Variants in ZNF117 observed in about 807,000 individuals in gnomAD.
The protein encoded by ZNF117 is zinc finger protein 117, also known as Krueppel-related zinc finger protein.
In ZNF117, 37 loss-of-function variants were observed where a neutral mutation model predicts 41.2. The observed-to-expected ratio is 0.90, with a 90% CI of 0.69 to 1.18. ZNF117 has a LOEUF of 1.18. Among genes scored for constraint, ZNF117 ranks in the 50% most tolerant of loss-of-function variants. The pLI is 0.00. For missense variants in ZNF117, 546 were observed against 557.5 expected (o/e 0.98, Z 0.21); for synonymous variants, 186 against 186.6 (o/e 1.00, Z 0.02).
exon 3 of ZNF117, chr7:64,978,253 T>C: frequency 6.3e-7 from 1 of 1,595,540 alleles, no homozygotes. Context: ...TTCTCTCCAG[T>C]ATGAATTCTC....
upstream of ZNF117, among the ~76,000 whole-genome samples, chr7:64,984,107 A>C (rs1460876532): frequency 6.6e-6 from 1 of 152,144 alleles, no homozygotes; most frequent in Admixed American, 6.5e-5. Flanking sequence ...GAGATCTATA[A>C]TGGAATATAT....
At position 64,980,554 on chromosome 7, in the gene ZNF117, G is replaced by C. The variant is rs1212776995; in HGVS notation, c.34+833C>G. 3.3e-5 allele frequency: 5 copies of C among 151,364 alleles called. No homozygotes were observed. In the East Asian group the frequency reaches 9.6e-4, roughly 29 times the overall value. 9.4% of individuals were successfully genotyped at this position (151,364 alleles called of 1,614,324 possible). ...GAACTGAAAAATTATAAGAAAAACT[G>C]ATGTAAAAATTAAAAAGGTTAACAA... is the stretch of plus-strand genomic sequence containing the variant. On this transcript the variant is annotated intron_variant, in intron 2 of 2. Transcript: ENST00000620222.
At chr7:64,978,716 G>A (rs1785955625) in exon 3 of ZNF117, 8 of 1,612,572 alleles carry the variant, frequency 5.0e-6, no homozygotes, top group Non-Finnish European at 6.8e-6. Flanking sequence ...ACTGGTTAAA[G>A]GCTTTACCAC....
chr7:64,973,499 C>T (rs1430702302), downstream of ZNF117: 1 of 151,852 alleles, frequency 6.6e-6, no homozygotes, highest in African/African-American at 2.4e-5. Context: ...AAAAATAATG[C>T]TAACTGATTT....
chr7:64,975,711 T>A (rs1174521172), exon 3 of ZNF117: 1 of 152,176 alleles, frequency 6.6e-6, no homozygotes, highest in African/African-American at 2.4e-5. Flanking sequence ...TATTTCTACC[T>A]CTTTTAAAGT....
At chr7:64,989,446 TATATATATATATATATATATATATA>T (rs2129121283) in intron 1 of ZNF117, among the ~76,000 whole-genome samples, 1 of 5,340 alleles carries the variant, frequency 1.9e-4, no homozygotes, top group African/African-American at 2.2e-3. Flanking sequence ...CTTAAAATTA[TATATATATATATATATATATATATA>T]TATATATATA....
chr7:64,990,305 A>AAAAAG (rs1786234201), exon 1 of ZNF117: 1 of 153,042 alleles, frequency 6.5e-6, no homozygotes, highest in African/African-American at 2.4e-5. Context: ...TAGGTTGCAG[A>AAAAAG]GAAAAAGGAA....
exon 3 of ZNF117, chr7:64,977,965 T>C (rs1785927021): frequency 2.4e-6 from 3 of 1,253,206 alleles, no homozygotes; most frequent in African/African-American, 1.5e-5. Flanking sequence ...TTAAAAGCTT[T>C]GTCACATTCA....
rs1786235847 is a variant in ZNF117, at chr7:64,990,352, T to TG, written c.-602_-601insC. 1 of 169,306 alleles carries TG rather than the reference T, an allele frequency of 5.9e-6. No individual in the cohort carries two copies. The highest frequency in any genetic ancestry group is 1.3e-5 in the Non-Finnish European group (1 of 79,458). The allele number at this position is 169,306 out of a possible 1,614,324, so 10.5% of individuals were successfully genotyped here. On this transcript the variant is annotated 5_prime_UTR_variant, in exon 1 of 4. It removes the in-frame stop codon of an upstream open reading frame in the 5' UTR. Coordinates refer to the ZNF117 transcript ENST00000282869. ...TGTGGGAATCAGGAGGCCGGAGAGA[T>TG]CACTGGGTGCAACAGGAAGGTTTTA...
intron 2 of ZNF117, 38 bp from the exon 4 acceptor site, chr7:64,979,574 C>T (rs377068987): frequency 5.2e-5 from 72 of 1,397,670 alleles, no homozygotes; most frequent in Admixed American, 2.7e-4. Context: ...TTCACTTGCT[C>T]GACTCAGATG....
At chr7:64,978,393 T>C (rs1785942122) in exon 3 of ZNF117, 2 of 1,613,776 alleles carry the variant, frequency 1.2e-6, no homozygotes, top group Non-Finnish European at 1.7e-6. Flanking sequence ...TTTGCCAGAT[T>C]CTCTACATTT....
chr7:64,988,666 T>C (rs1786186560), intron 1 of ZNF117, among the ~76,000 whole-genome samples: 1 of 152,158 alleles, frequency 6.6e-6, no homozygotes, highest in Non-Finnish European at 1.5e-5. Flanking sequence ...AACTTCCCAT[T>C]TTTTGCAGAT....
At chr7:64,977,740 T>A in exon 3 of ZNF117, 2 of 892,642 alleles carry the variant, frequency 2.2e-6, no homozygotes, top group Non-Finnish European at 1.8e-6. Flanking sequence ...TTATATGGTT[T>A]CTCTCCAGTA....
chr7:64,985,557 T>C (rs1405998631), upstream of ZNF117, among the ~76,000 whole-genome samples: 1 of 152,036 alleles, frequency 6.6e-6, no homozygotes, highest in Non-Finnish European at 1.5e-5. Context: ...CAATCCCAAG[T>C]CAAAAACAGT....
intron 2 of ZNF117, chr7:64,981,182 G>C: frequency 4.9e-6 from 3 of 615,468 alleles, no homozygotes; most frequent in Non-Finnish European, 8.2e-6. Context: ...ATTGAAGACA[G>C]ATCACTAAAG....
At chr7:64,986,688 G>A (rs1346862675), upstream of ZNF117, among the ~76,000 whole-genome samples, 2 of 152,106 alleles carry the variant, frequency 1.3e-5, no homozygotes, top group African/African-American at 4.8e-5. Context: ...TCTTATTTAA[G>A]AACCAAAAGG....
rs749836868 is a variant in ZNF117, at chr7:64,981,411, G to A, written c.10C>T (p.His4Tyr). ...CCTAAATGTTTAGCTACCATCTCAT[G>A]TCTCTTCATATTCCAGGGCTCTTTT... Residue 4 changes from histidine to tyrosine, a missense_variant, in exon 2 of 3, where the codon CAT becomes TAT. Transcript: ENST00000620222. 6.8e-6 allele frequency: 11 copies of A among 1,612,976 alleles called. No individual in the cohort carries two copies. In the East Asian group the frequency reaches 2.0e-4, roughly 29 times the overall value.
exon 3 of ZNF117, chr7:64,976,035 A>G (rs892079239): frequency 2.0e-5 from 3 of 152,168 alleles, no homozygotes; most frequent in African/African-American, 7.2e-5. Flanking sequence ...CTGCTTCAGG[A>G]TTTTCCTTTA....
downstream of ZNF117, chr7:64,973,304 G>A (rs1359026665): frequency 2.0e-5 from 3 of 151,842 alleles, no homozygotes; most frequent in Non-Finnish European, 4.4e-5. Flanking sequence ...CTATATCATA[G>A]AAAATTAAAT....
Sources: allele counts gnomAD v4.1 joint callset (sites outside exome capture counted in the v4.1 genomes callset), GRCh38; gene constraint gnomAD v4.1.1; transcripts MANE v1.5; gene names NCBI Gene and HGNC (gene_info 2026-07-23, HGNC 2026-07-21).